Variants in WDR27 observed in about 807,000 individuals in gnomAD.
WDR27 encodes WD repeat-containing protein 27.
Under a neutral mutation model 114.4 loss-of-function variants are expected in WDR27, and 100 were observed. That is an observed-to-expected ratio of 0.87 (90% CI 0.74 to 1.03). The LOEUF is 1.03. WDR27 is among the 50% of genes least tolerant of loss of function. The probability of loss-of-function intolerance (pLI) is 0.00; values close to 1 mark genes in which losing one functional copy is unlikely to be tolerated. For missense variants in WDR27, 1,129 were observed against 1,092.9 expected (o/e 1.03, Z -0.47); for synonymous variants, 449 against 423.1 (o/e 1.06, Z -0.75).
intron 19 of WDR27, among the ~76,000 whole-genome samples, 158 bp from the exon 20 acceptor site, chr6:169,634,683 A>G (rs1260078611): frequency 6.6e-6 from 1 of 151,974 alleles, no homozygotes; most frequent in Non-Finnish European, 1.5e-5. Flanking sequence ...AGCTACCTTA[A>G]TTTTTCTTTA....
chr6:169,675,320 A>G (rs926144969), intron 2 of WDR27, among the ~76,000 whole-genome samples: 1 of 152,170 alleles, frequency 6.6e-6, no homozygotes, highest in Non-Finnish European at 1.5e-5. Flanking sequence ...TGTTTTTGCC[A>G]TATGACATGC....
chr6:169,644,836 C>T lies in WDR27; in HGVS notation c.1658-1050G>A, dbSNP rs1159017035. Among the ~76,000 whole-genome samples, 16 of 80,816 alleles carry T rather than the reference C, an allele frequency of 2.0e-4. 3 individuals are homozygous for T. Among genetic ancestry groups the T allele is most frequent in the Non-Finnish European group, 2.9e-4 (13 of 44,118 alleles). 53.0% of individuals were successfully genotyped at this position (80,816 alleles called of 152,430 possible). A position where few individuals can be genotyped will look rare whatever the true frequency, so the allele number is the denominator to read the frequency against. ...CATCCCGGCTAAAACGGTGAAACCC[C>T]GTCTCTACTAAAAATACAAAAAATT... On this transcript the variant is annotated intron_variant, in intron 16 of 25. Coordinates refer to ENST00000448612, the MANE Select transcript of WDR27 (RefSeq NM_182552.5).
chr6:169,658,686 C>CT (rs756818206), intron 12 of WDR27, among the ~76,000 whole-genome samples: 613 of 140,534 alleles, frequency 4.4e-3, no homozygotes, highest in African/African-American at 8.9e-3. Flanking sequence ...TCCGAGTTTT[C>CT]TTTTTTTTTT....
At chr6:169,675,624 C>G (rs561981066) in intron 2 of WDR27, among the ~76,000 whole-genome samples, 13 of 152,026 alleles carry the variant, frequency 8.6e-5, no homozygotes, top group African/African-American at 3.1e-4. Context: ...TTCAGAAAGG[C>G]GGGACAACTC....
intron 4 of WDR27, chr6:169,669,413 T>C (rs1294964000): frequency 6.6e-6 from 1 of 152,246 alleles, no homozygotes. Flanking sequence ...GCTATGTGCC[T>C]GACTCAGGGG....
intron 25 of WDR27, among the ~76,000 whole-genome samples, chr6:169,498,463 A>G (rs749058549): frequency 3.3e-5 from 5 of 152,248 alleles, no homozygotes. Context: ...GTATTTTACC[A>G]TAATAAAAAA....
intron 25 of WDR27, among the ~76,000 whole-genome samples, chr6:169,560,529 G>A (rs377715766): frequency 5.3e-5 from 8 of 152,196 alleles, no homozygotes; most frequent in South Asian, 2.1e-4. Flanking sequence ...CAAGCCTGAC[G>A]GGAAGGCACC....
intron 4 of WDR27, 39 bp from the exon 5 acceptor site, chr6:169,668,224 T>C: frequency 6.2e-7 from 1 of 1,601,556 alleles, no homozygotes; most frequent in East Asian, 2.2e-5. Context: ...CTGTTCAAGC[T>C]GGAATTCTCT....
intron 16 of WDR27, among the ~76,000 whole-genome samples, chr6:169,645,008 CA>C (rs1194294838): frequency 2.8e-3 from 23 of 8,172 alleles, no homozygotes; most frequent in East Asian, 0.03. Flanking sequence ...GACTCCGTCT[CA>C]AAAAAAAAAA....
intron 22 of WDR27, among the ~76,000 whole-genome samples, chr6:169,606,830 G>GT (rs1229205268): frequency 2.6e-5 from 4 of 152,314 alleles, no homozygotes; most frequent in East Asian, 3.9e-4. Context: ...TATATACCCA[G>GT]TAATGGGATT....
At chr6:169,566,951 G>C (rs1478661032) in intron 25 of WDR27, among the ~76,000 whole-genome samples, 1 of 152,200 alleles carries the variant, frequency 6.6e-6, no homozygotes, top group Non-Finnish European at 1.5e-5. Context: ...TATTAAAAAT[G>C]CATAATAGGC....
At chr6:169,632,807 C>T (rs1195633464) in intron 21 of WDR27, 140 bp downstream of exon 21, 17 of 806,366 alleles carry the variant, frequency 2.1e-5, no homozygotes, top group Admixed American at 1.4e-4. Context: ...ATCAAGGCTT[C>T]GAATAATTTA....
the WDR27 span, among the ~76,000 whole-genome samples, chr6:169,433,222 C>A: frequency 6.6e-6 from 1 of 152,076 alleles, no homozygotes; most frequent in Non-Finnish European, 1.5e-5. Context: ...CATGCATTAG[C>A]AGGGGTCTCC....
the WDR27 span, among the ~76,000 whole-genome samples, chr6:169,449,116 G>T: frequency 3.3e-5 from 5 of 152,050 alleles, no homozygotes; most frequent in African/African-American, 1.2e-4. Flanking sequence ...ATGGTTTTTT[G>T]GCAATATGAG....
At chr6:169,667,658 T>C (rs1370028259) in intron 5 of WDR27, among the ~76,000 whole-genome samples, 1 of 152,198 alleles carries the variant, frequency 6.6e-6, no homozygotes, top group East Asian at 1.9e-4. Flanking sequence ...CTCCACACCC[T>C]GGGACTGGCT....
chr6:169,633,112 A>C (rs753604129), intron 20 of WDR27, 44 bp from the exon 21 acceptor site: 9 of 1,553,112 alleles, frequency 5.8e-6, no homozygotes, highest in Admixed American at 1.8e-5. Flanking sequence ...ACTCTTACCC[A>C]TGGGGAAGGG....
chr6:169,549,125 C>T (rs561447013), intron 25 of WDR27, among the ~76,000 whole-genome samples: 2 of 152,110 alleles, frequency 1.3e-5, no homozygotes, highest in Admixed American at 6.5e-5. Context: ...AGCCACAAAC[C>T]GGGAGAAAAT....
At chr6:169,544,021 A>T (rs1797136155) in intron 25 of WDR27, among the ~76,000 whole-genome samples, 1 of 152,228 alleles carries the variant, frequency 6.6e-6, no homozygotes, top group Admixed American at 6.5e-5. Flanking sequence ...TATATATAAC[A>T]ATTGTTGCAG....
chr6:169,662,449 T>C, intron 8 of WDR27, 25 bp from the exon 9 acceptor site: 1 of 1,610,798 alleles, frequency 6.2e-7, no homozygotes, highest in Non-Finnish European at 8.5e-7. Context: ...ATTGAGAATC[T>C]AAGAAGTGAA....
Sources: allele counts gnomAD v4.1 joint callset (sites outside exome capture counted in the v4.1 genomes callset), GRCh38; gene constraint gnomAD v4.1.1; transcripts MANE v1.5; gene names NCBI Gene and HGNC (gene_info 2026-07-23, HGNC 2026-07-21).